The following SIPA1L2 variants were observed in gnomAD, a reference collection of about 807,000 sequenced individuals.
SIPA1L2 encodes signal-induced proliferation-associated 1-like protein 2.
In SIPA1L2, 56 loss-of-function variants were observed where a neutral mutation model predicts 163.9. The observed-to-expected ratio is 0.34, with a 90% CI of 0.28 to 0.43. The LOEUF is 0.43. SIPA1L2 is among the 20% of genes least tolerant of loss of function. SIPA1L2 has a pLI of 1.00. For synonymous variants in SIPA1L2, 877 were observed against 865.7 expected (o/e 1.01, Z -0.23); for missense variants, 1,974 against 2,193.5 (o/e 0.90, Z 2.00).
chr1:232,477,031 G>A (rs1473560709), intron 7 of SIPA1L2, among the ~76,000 whole-genome samples: 3 of 152,078 alleles, frequency 2.0e-5, no homozygotes, highest in Admixed American at 1.3e-4. Flanking sequence ...GGATGGTGAG[G>A]GTGAGAGAAA....
At chr1:232,585,366 C>T (rs1284134265) in intron 1 of SIPA1L2, among the ~76,000 whole-genome samples, 1 of 152,166 alleles carries the variant, frequency 6.6e-6, no homozygotes, top group Admixed American at 6.5e-5. Flanking sequence ...TATTTACAAT[C>T]TCATATATGG....
intron 4 of SIPA1L2, among the ~76,000 whole-genome samples, chr1:232,492,143 T>C (rs765345481): frequency 6.6e-6 from 1 of 152,154 alleles, no homozygotes; most frequent in Non-Finnish European, 1.5e-5. Context: ...CCTAGGTCAC[T>C]GGGACACCTA....
At chr1:232,492,130 G>A (rs1665961778) in intron 4 of SIPA1L2, among the ~76,000 whole-genome samples, 1 of 151,972 alleles carries the variant, frequency 6.6e-6, no homozygotes, top group Non-Finnish European at 1.5e-5. Context: ...ACCTAGAATA[G>A]AGCCTAGGTC....
chr1:232,455,509 G>A (rs1200445884), intron 10 of SIPA1L2, among the ~76,000 whole-genome samples: 1 of 152,006 alleles, frequency 6.6e-6, no homozygotes, highest in Non-Finnish European at 1.5e-5. Context: ...GTGAAACCCC[G>A]TCTCTACTAA....
At chr1:232,427,475 T>C (rs1227468752) in intron 17 of SIPA1L2, among the ~76,000 whole-genome samples, 1 of 152,184 alleles carries the variant, frequency 6.6e-6, no homozygotes, top group Non-Finnish European at 1.5e-5. Context: ...CCTTTTTCCT[T>C]TTCATATGAA....
intron 1 of SIPA1L2, among the ~76,000 whole-genome samples, chr1:232,620,926 A>G (rs1662775229): frequency 6.6e-6 from 1 of 152,242 alleles, no homozygotes; most frequent in Non-Finnish European, 1.5e-5. Flanking sequence ...TTGGGTGAGT[A>G]AAGTACTGTG....
intron 2 of SIPA1L2, among the ~76,000 whole-genome samples, chr1:232,516,496 T>C (rs1667224795): frequency 1.3e-5 from 2 of 152,334 alleles, no homozygotes; most frequent in African/African-American, 4.8e-5. Flanking sequence ...AACCATGGGA[T>C]AGTGTGTCTG....
intron 5 of SIPA1L2, among the ~76,000 whole-genome samples, chr1:232,490,322 G>C (rs1010860074): frequency 2.0e-5 from 3 of 152,182 alleles, no homozygotes; most frequent in African/African-American, 7.2e-5. Context: ...TGCCCAGCCA[G>C]ATGTTATTTC....
chr1:232,465,620 TTTG>T lies in SIPA1L2; in HGVS notation c.2244-207_2244-205del, dbSNP rs1664473271. 6.6e-6 allele frequency among the ~76,000 whole-genome samples: 1 copy of T among 151,854 alleles called. No homozygotes were observed. Among genetic ancestry groups the T allele is most frequent in the Non-Finnish European group, 1.5e-5 (1 of 67,986 alleles). ...TCTCCTAATTGCTGCATACCCAGGGTTTGTTGTTATTGTTGTTTAAGCAAAATG... is the reference window on the plus strand; with the variant it reads ...TCTCCTAATTGCTGCATACCCAGGGTTTGTTATTGTTGTTTAAGCAAAATG... On this transcript the variant is annotated intron_variant, in intron 8 of 22. Coordinates refer to ENST00000674635, the MANE Select transcript of SIPA1L2 (RefSeq NM_020808.5). The surrounding 1 kb of genome is among the most constrained non-coding windows in gnomAD (Gnocchi z 4.1).
intron 3 of SIPA1L2, among the ~76,000 whole-genome samples, chr1:232,503,304 G>C (rs1666571622): frequency 6.6e-6 from 1 of 152,166 alleles, no homozygotes; most frequent in Non-Finnish European, 1.5e-5. Flanking sequence ...CATTGTAACT[G>C]TTCAGTAAAG....
chr1:232,608,767 A>T (rs922584734), intron 1 of SIPA1L2, among the ~76,000 whole-genome samples: 45 of 152,132 alleles, frequency 3.0e-4, no homozygotes, highest in Non-Finnish European at 2.1e-4. Flanking sequence ...ATGGGCGAGA[A>T]ATACACCACA....
chr1:232,545,563 T>C (rs1228343008), intron 2 of SIPA1L2, among the ~76,000 whole-genome samples: 3 of 152,228 alleles, frequency 2.0e-5, no homozygotes, highest in African/African-American at 7.2e-5. Flanking sequence ...TCTAACCTCT[T>C]GTTCTTGGGC....
At chr1:232,500,546 T>G (rs1175805595) in intron 3 of SIPA1L2, among the ~76,000 whole-genome samples, 1 of 152,196 alleles carries the variant, frequency 6.6e-6, no homozygotes, top group Non-Finnish European at 1.5e-5. Flanking sequence ...GAGGAAGTAT[T>G]GCAGATATGG....
chr1:232,494,747 G>A (rs1002534130), intron 3 of SIPA1L2, among the ~76,000 whole-genome samples: 2 of 152,152 alleles, frequency 1.3e-5, no homozygotes, highest in Non-Finnish European at 1.5e-5. Flanking sequence ...TTACCCAAAT[G>A]CTTATTAATG....
intron 19 of SIPA1L2, among the ~76,000 whole-genome samples, chr1:232,412,253 T>C (rs545239783): frequency 1.8e-4 from 27 of 152,314 alleles, no homozygotes; most frequent in Admixed American, 5.2e-4. Flanking sequence ...GAGGCAAGTC[T>C]GCCAGGGATC....
At chr1:232,580,520 G>T (rs1330171039) in intron 1 of SIPA1L2, among the ~76,000 whole-genome samples, 4 of 152,154 alleles carry the variant, frequency 2.6e-5, no homozygotes, top group Admixed American at 6.5e-5. Flanking sequence ...CCTGACAGGA[G>T]CATGGCCAAA....
intron 18 of SIPA1L2, among the ~76,000 whole-genome samples, chr1:232,423,224 T>C (rs1233727248): frequency 6.6e-6 from 1 of 152,214 alleles, no homozygotes; most frequent in African/African-American, 2.4e-5. Flanking sequence ...AATGCTATGA[T>C]GTTCAGTAGG....
intron 13 of SIPA1L2, among the ~76,000 whole-genome samples, 182 bp downstream of exon 13, chr1:232,441,586 T>A (rs894562641): frequency 1.3e-5 from 2 of 152,156 alleles, no homozygotes; most frequent in Non-Finnish European, 2.9e-5. Flanking sequence ...TTTCTGCAGG[T>A]GCCACAACCA....
chr1:232,485,290 G>A (rs943826001), intron 5 of SIPA1L2, among the ~76,000 whole-genome samples: 2 of 152,210 alleles, frequency 1.3e-5, no homozygotes, highest in Non-Finnish European at 2.9e-5. Flanking sequence ...ACCCTGTCAA[G>A]GCCAGGAGAT....
Sources: allele counts gnomAD v4.1 joint callset (sites outside exome capture counted in the v4.1 genomes callset), GRCh38; gene constraint gnomAD v4.1.1; non-coding constraint Gnocchi (gnomAD v3.1); transcripts MANE v1.5; gene names NCBI Gene and HGNC (gene_info 2026-07-23, HGNC 2026-07-21).